Variants in C10orf90 observed in about 807,000 individuals in gnomAD.
C10orf90 encodes the protein chromosome 10 open reading frame 90.
A neutral mutation model predicts 62.5 loss-of-function variants in C10orf90; 56 were observed. That is an observed-to-expected ratio of 0.90 (90% confidence interval 0.72 to 1.12). The LOEUF is 1.12. Ranked by LOEUF, C10orf90 falls within the 50% of genes most tolerant of loss-of-function variation. The pLI, the probability that C10orf90 is intolerant of heterozygous loss-of-function variation, is 0.00. For missense variants in C10orf90, 970 were observed against 880.4 expected (o/e 1.10, Z -1.29); for synonymous variants, 386 against 340.4 (o/e 1.13, Z -1.47).
At chr10:126,544,750 G>T (rs184420460) in intron 2 of C10orf90, among the ~76,000 whole-genome samples, 1 of 152,056 alleles carries the variant, frequency 6.6e-6, no homozygotes, top group Non-Finnish European at 1.5e-5. Context: ...ATAATTCATG[G>T]GCTGGGAGAG....
chr10:126,493,131 G>A (rs1246835495), intron 4 of C10orf90, among the ~76,000 whole-genome samples: 1 of 148,842 alleles, frequency 6.7e-6, no homozygotes, highest in East Asian at 2.0e-4. Flanking sequence ...TTCCAAAACA[G>A]TATGTATTTT....
intron 2 of C10orf90, among the ~76,000 whole-genome samples, chr10:126,557,322 A>C (rs1180608743): frequency 6.6e-6 from 1 of 152,008 alleles, no homozygotes; most frequent in South Asian, 2.1e-4. Flanking sequence ...TCTACTAAAA[A>C]TACAAAAAAT....
rs1255782680 is a variant in C10orf90, at chr10:126,425,776, T to C, written c.*88A>G. On this transcript the variant is annotated 3_prime_UTR_variant, in exon 10 of 10. Transcript: ENST00000488181. ...CGAAAGTAAAATAAGTGTTTTCCCA[T>C]GATGAAGATAATGCTAAGTTTAATG... 5.2e-6 allele frequency: 7 copies of C among 1,340,292 alleles called. No homozygotes were observed. The highest frequency in any genetic ancestry group is 6.1e-6 in the Non-Finnish European group (6 of 977,996). The allele number at this position is 1,340,292 out of a possible 1,614,324, so 83.0% of individuals were successfully genotyped here. A position where few individuals can be genotyped will look rare whatever the true frequency, so the allele number is the denominator to read the frequency against.
chr10:126,472,725 G>C (rs1480165557), intron 4 of C10orf90, among the ~76,000 whole-genome samples: 2 of 152,170 alleles, frequency 1.3e-5, no homozygotes, highest in East Asian at 3.9e-4. Flanking sequence ...GAACAGCATA[G>C]AGGAATGTTG....
chr10:126,458,014 T>A lies in C10orf90; in HGVS notation c.2188+1026A>T, dbSNP rs115554383. On this transcript the variant is annotated intron_variant, in intron 7 of 9. Transcript: ENST00000488181. ...TCAAATATTTAGCCACAGGGAAGGA[T>A]GCATTCAAATTCATCCTTCCCCGAG... is the stretch of plus-strand genomic sequence containing the variant. Among the ~76,000 whole-genome samples, 1,150 of 152,186 alleles carry A rather than the reference T, an allele frequency of 7.6e-3. 15 individuals carry two copies. The highest frequency in any genetic ancestry group is 0.026 in the African/African-American group (1,067 of 41,520).
At chr10:126,526,411 A>AT (rs1306221312) in intron 2 of C10orf90, among the ~76,000 whole-genome samples, 3 of 151,758 alleles carry the variant, frequency 2.0e-5, no homozygotes, top group African/African-American at 4.8e-5. Context: ...CACCCGGCTA[A>AT]TTTTTTATAT....
At chr10:126,606,480 T>C (rs993744025) in intron 2 of C10orf90, among the ~76,000 whole-genome samples, 3 of 152,182 alleles carry the variant, frequency 2.0e-5, no homozygotes, top group Non-Finnish European at 4.4e-5. Flanking sequence ...ATAAGTCGTT[T>C]ATGCCATTTC....
intron 4 of C10orf90, among the ~76,000 whole-genome samples, chr10:126,469,012 A>G (rs1029249753): frequency 2.0e-5 from 3 of 152,224 alleles, no homozygotes; most frequent in African/African-American, 7.2e-5. Context: ...ACATGCACAC[A>G]GTCTCATAAC....
At chr10:126,539,607 T>A (rs4962575) in intron 2 of C10orf90, among the ~76,000 whole-genome samples, 99,287 of 151,994 alleles carry the variant, frequency 0.65, 33,435 homozygotes, top group African/African-American at 0.82. Flanking sequence ...GATGACTAAG[T>A]TCTAAAACCT....
intron 2 of C10orf90, among the ~76,000 whole-genome samples, chr10:126,573,153 G>T (rs1465454362): frequency 6.6e-6 from 1 of 152,096 alleles, no homozygotes; most frequent in African/African-American, 2.4e-5. Context: ...TCCCTTTTAA[G>T]GGCTTACAAC....
intron 2 of C10orf90, among the ~76,000 whole-genome samples, chr10:126,534,384 T>C (rs957612600): frequency 6.6e-6 from 1 of 152,196 alleles, no homozygotes. Flanking sequence ...TTCTATGGTG[T>C]CAATGCCTGC....
chr10:126,454,994 G>C lies in C10orf90; in HGVS notation c.2188+4046C>G, dbSNP rs558372684. Among the ~76,000 whole-genome samples, 353 of 152,086 alleles carry C rather than the reference G, an allele frequency of 2.3e-3. 2 individuals carry two copies. The highest frequency in any genetic ancestry group is 8.2e-3 in the African/African-American group (339 of 41,484). ...CCTGCCACCTTCCCTTGGCATGCCT[G>C]GGTGTCAGCCTCCCTCTTCCACATC... is the stretch of plus-strand genomic sequence containing the variant. On this transcript the variant is annotated intron_variant, in intron 7 of 9. Coordinates refer to ENST00000488181, the MANE Select transcript of C10orf90 (RefSeq NM_001350921.2).
intron 2 of C10orf90, among the ~76,000 whole-genome samples, chr10:126,567,082 G>C (rs909306565): frequency 6.6e-6 from 1 of 152,182 alleles, no homozygotes; most frequent in Admixed American, 6.5e-5. Flanking sequence ...GCCACAGCTG[G>C]GTGCCCTGGT....
At chr10:126,556,016 A>G (rs779428322) in intron 2 of C10orf90, among the ~76,000 whole-genome samples, 2 of 152,226 alleles carry the variant, frequency 1.3e-5, no homozygotes, top group Non-Finnish European at 2.9e-5. Context: ...TTGTGAAGTG[A>G]GTTGACCTCA....
chr10:126,552,910 T>A (rs1864669693), intron 2 of C10orf90, among the ~76,000 whole-genome samples: 1 of 152,198 alleles, frequency 6.6e-6, no homozygotes, highest in South Asian at 2.1e-4. Context: ...TGCAATACAC[T>A]TGGAGGAAGA....
At chr10:126,550,376 A>C (rs958130532) in intron 2 of C10orf90, among the ~76,000 whole-genome samples, 1 of 152,170 alleles carries the variant, frequency 6.6e-6, no homozygotes, top group African/African-American at 2.4e-5. Context: ...GATCAACAGG[A>C]GGGAACCTTG....
rs1451742506 is a variant in C10orf90 at position 126,429,786 on chromosome 10, C to A, written c.2252+1G>T. On this transcript the variant is annotated splice_donor_variant, in intron 8 of 9. Coordinates refer to ENST00000488181, the MANE Select transcript of C10orf90 (RefSeq NM_001350921.2). LOFTEE classifies it high-confidence loss of function. ...TTGCACACCATACAATAACCAAGTA[C>A]CTCTTAGATCGCATATGCATCTCCT... The A allele has an allele frequency of 1.2e-6, 2 of 1,613,910 alleles. No individual in the cohort carries two copies. Among genetic ancestry groups the A allele is most frequent in the East Asian group, 2.2e-5 (1 of 44,868 alleles).
intron 2 of C10orf90, among the ~76,000 whole-genome samples, chr10:126,532,681 C>CA (rs1299701386): frequency 2.0e-5 from 3 of 149,848 alleles, no homozygotes; most frequent in Admixed American, 6.6e-5. Flanking sequence ...ACTAAAAATA[C>CA]AAAAAATTAG....
intron 7 of C10orf90, among the ~76,000 whole-genome samples, chr10:126,454,392 C>G (rs1859402325): frequency 6.6e-6 from 1 of 151,840 alleles, no homozygotes; most frequent in African/African-American, 2.4e-5. Context: ...GCTATACCCT[C>G]TACAACTTGC....
Sources: gnomAD v4.1 joint callset for allele counts (sites outside exome capture counted in the v4.1 genomes callset) on GRCh38, gnomAD v4.1.1 for gene constraint, MANE v1.5 for transcripts, NCBI Gene and HGNC (gene_info 2026-07-23, HGNC 2026-07-21) for gene names.